Variants in COL18A1 observed in about 807,000 individuals in gnomAD.
The protein encoded by COL18A1 is collagen type XVIII alpha 1 chain, also known as collagen alpha-1(XVIII) chain.
A neutral mutation model predicts 168.0 loss-of-function variants in COL18A1; 133 were observed. The ratio of observed to expected loss-of-function variants is 0.79; its 90% CI spans 0.69 to 0.91. The LOEUF is 0.91. COL18A1 is among the 40% of genes least tolerant of loss of function. The pLI, the probability that COL18A1 is intolerant of heterozygous loss-of-function variation, is 0.00. For missense variants in COL18A1, 2,126 were observed against 1,925.4 expected (o/e 1.10, Z -1.95); for synonymous variants, 949 against 809.0 (o/e 1.17, Z -2.94).
chr21:45,437,634 T>TCA lies in COL18A1; in HGVS notation c.107-30603_107-30602dup, dbSNP rs1233703012. 1.4e-3 allele frequency among the ~76,000 whole-genome samples: 22 copies of TCA among 15,864 alleles called. 2 individuals carry two copies. In the East Asian group the frequency reaches 0.017, roughly 12 times the overall value. 10.4% of individuals were successfully genotyped at this position (15,864 alleles called of 152,430 possible). A position where few individuals can be genotyped will look rare whatever the true frequency, so the allele number is the denominator to read the frequency against. On this transcript the variant is annotated intron_variant, in intron 2 of 41. Transcript: ENST00000651438. ...CACAGGCACTCTCCTGCACACACACTCACACAGGCACTCTCCTGCACACAC... is the reference window on the plus strand; with the variant it reads ...CACAGGCACTCTCCTGCACACACACTCACACACAGGCACTCTCCTGCACACAC...
chr21:45,422,412 C>T lies in COL18A1; in HGVS notation c.106+16939C>T, dbSNP rs199878290. 5.8e-6 allele frequency: 3 copies of T among 520,326 alleles called. No individual in the cohort carries two copies. The African/African-American group carries it at 5.8e-5, about 10-fold the overall frequency. 32.2% of individuals were successfully genotyped at this position (520,326 alleles called of 1,614,324 possible). A position where few individuals can be genotyped will look rare whatever the true frequency, so the allele number is the denominator to read the frequency against. On this transcript the variant is annotated intron_variant, in intron 2 of 41. Coordinates refer to ENST00000651438, the MANE Select transcript of COL18A1 (RefSeq NM_001379500.1). Reference sequence around the variant, plus strand: ...CGCCTGTGGGCACTGAGGGTCTCACCTCTTCCTGCAGCTTTTGAAGGGATG... The same window carrying T: ...CGCCTGTGGGCACTGAGGGTCTCACTTCTTCCTGCAGCTTTTGAAGGGATG...
intron 2 of COL18A1, among the ~76,000 whole-genome samples, chr21:45,460,415 G>A (rs1226729934): frequency 6.6e-6 from 1 of 152,136 alleles, no homozygotes; most frequent in South Asian, 2.1e-4. Context: ...TTGGAAAGTG[G>A]TGCACAGGCC....
intron 37 of COL18A1, 60 bp downstream of exon 37, chr21:45,506,026 C>T (rs2037183974): frequency 1.2e-6 from 2 of 1,611,186 alleles, no homozygotes; most frequent in Non-Finnish European, 1.7e-6. Flanking sequence ...CCTCCTGGGG[C>T]TTAAGGAAGG....
chr21:45,470,897 GGGCCCTGGGTCT>G (rs1040675694), intron 3 of COL18A1, among the ~76,000 whole-genome samples: 32 of 149,432 alleles, frequency 2.1e-4, no homozygotes, highest in Admixed American at 6.7e-4. Flanking sequence ...GGGAGCTAGA[GGGCCCTGGGTCT>G]GGCCCTGGGC....
At chr21:45,436,778 G>C (rs1052567927) in intron 2 of COL18A1, among the ~76,000 whole-genome samples, 1 of 151,890 alleles carries the variant, frequency 6.6e-6, no homozygotes, top group African/African-American at 2.4e-5. Flanking sequence ...GATGTGGCTT[G>C]GCGGGGAAGC....
intron 2 of COL18A1, among the ~76,000 whole-genome samples, chr21:45,438,104 A>T (rs111220547): frequency 8.7e-6 from 1 of 115,058 alleles, no homozygotes; most frequent in Non-Finnish European, 1.7e-5. Flanking sequence ...ACTCACACTC[A>T]CACTCAGACA....
chr21:45,453,467 G>A (rs1263373249), intron 2 of COL18A1, among the ~76,000 whole-genome samples: 1 of 152,240 alleles, frequency 6.6e-6, no homozygotes, highest in Non-Finnish European at 1.5e-5. Flanking sequence ...GGAGGCTTAT[G>A]TAGTAGCCAC....
At position 45,456,033 on chromosome 21, in the gene COL18A1, T is replaced by C. The variant is rs1248747342; in HGVS notation, c.107-12209T>C. ...ACCCCCCAGGAGAATGGGACCACTC[T>C]CTGGCCCAGCCGTGGCATTCCTAGC... On this transcript the variant is annotated intron_variant, in intron 2 of 41. Coordinates refer to ENST00000651438, the MANE Select transcript of COL18A1 (RefSeq NM_001379500.1). 1.2e-5 allele frequency: 20 copies of C among 1,609,484 alleles called. No homozygotes were observed. The highest frequency in any genetic ancestry group is 1.7e-5 in the Non-Finnish European group (20 of 1,177,312).
At chr21:45,466,070 G>C (rs993328652) in intron 2 of COL18A1, among the ~76,000 whole-genome samples, 16 of 152,198 alleles carry the variant, frequency 1.1e-4, no homozygotes, top group Admixed American at 2.0e-4. Flanking sequence ...GTCAGGGTGA[G>C]GCTGGGAGTG....
chr21:45,495,725 C>T, intron 29 of COL18A1: 1 of 415,160 alleles, frequency 2.4e-6, no homozygotes, highest in Non-Finnish European at 4.6e-6. Flanking sequence ...TACACGCACA[C>T]ACACATCCAC....
chr21:45,512,229 G>T lies in COL18A1; in HGVS notation c.3851G>T (p.Arg1284Leu), dbSNP rs202049650. The part of the protein sequence containing the change: ...SVWHGSDPNG[R>L]RLTESYCETW... ...TGGCATGGCTCGGACCCCAACGGGC[G>T]CAGGCTGACCGAGAGCTACTGTGAG... Residue 1284 changes from arginine to leucine, a missense_variant, in exon 42 of 42, where the codon CGC (arginine) becomes CTC (leucine). Coordinates refer to ENST00000651438, the MANE Select transcript of COL18A1 (RefSeq NM_001379500.1). The T allele has an allele frequency of 4.3e-6, 7 of 1,612,432 alleles. No homozygotes were observed. Among genetic ancestry groups the T allele is most frequent in the Non-Finnish European group, 5.9e-6 (7 of 1,179,756 alleles).
At chr21:45,479,079 G>A (rs1337885706) in intron 9 of COL18A1, among the ~76,000 whole-genome samples, 2 of 71,588 alleles carry the variant, frequency 2.8e-5, no homozygotes, top group African/African-American at 6.3e-5. Flanking sequence ...ACACGCACGC[G>A]TGTGAGTGTG....
intron 2 of COL18A1, among the ~76,000 whole-genome samples, chr21:45,437,964 GCACA>G (rs1165229191): frequency 3.0e-5 from 1 of 32,832 alleles, no homozygotes; most frequent in African/African-American, 2.1e-4. Flanking sequence ...GCACTCTCCT[GCACA>G]CACACACTCA....
At chr21:45,475,632 A>C (rs2035620284) in intron 5 of COL18A1, 97 bp downstream of exon 5, 1 of 1,050,384 alleles carries the variant, frequency 9.5e-7, no homozygotes. Context: ...GTGTGGCTCC[A>C]AGAGCTCCCT....
intron 26 of COL18A1, 93 bp from the exon 27 acceptor site, chr21:45,494,452 C>A: frequency 6.3e-7 from 1 of 1,588,288 alleles, no homozygotes; most frequent in Non-Finnish European, 8.6e-7. Flanking sequence ...CAAGCCGCCA[C>A]CTAACCGTGC....
intron 2 of COL18A1, among the ~76,000 whole-genome samples, chr21:45,464,717 G>C (rs1215362092): frequency 1.3e-5 from 2 of 152,158 alleles, no homozygotes; most frequent in Admixed American, 1.3e-4. Context: ...TTCGCTCAAA[G>C]CCCCTTCTTC....
At chr21:45,418,288 G>C (rs1356544107) in intron 2 of COL18A1, among the ~76,000 whole-genome samples, 1 of 152,196 alleles carries the variant, frequency 6.6e-6, no homozygotes, top group Non-Finnish European at 1.5e-5. Context: ...GAAGTGGTAG[G>C]GTGGGCGTGC....
In COL18A1 at chr21:45,498,603, T is replaced by C. The variant is rs1186906456; in HGVS notation, c.2683+942T>C. 2 of 714,414 alleles carry C rather than the reference T, an allele frequency of 2.8e-6. No individual in the cohort carries two copies. The highest frequency in any genetic ancestry group is 1.5e-5 in the South Asian group (1 of 67,534). 44.3% of individuals were successfully genotyped at this position (714,414 alleles called of 1,614,324 possible). The stretch of plus-strand genomic sequence containing the variant: ...CAGAGGCCGAGTCTGGGCCGGGACA[T>C]CCTTAAGGCCTGTGGAGGCAAAGGC... On this transcript the variant is annotated intron_variant, in intron 32 of 41. Coordinates refer to ENST00000651438, the MANE Select transcript of COL18A1 (RefSeq NM_001379500.1). This position sits in a 1 kb window ranked among gnomAD's most constrained non-coding sequence, Gnocchi z 4.5.
intron 37 of COL18A1, chr21:45,507,138 C>G (rs1459571321): frequency 5.5e-6 from 1 of 183,330 alleles, no homozygotes; most frequent in East Asian, 1.6e-4. Flanking sequence ...GGGAGGGCAC[C>G]CTCCTGTGGG....
Sources: allele counts gnomAD v4.1 joint callset (sites outside exome capture counted in the v4.1 genomes callset), GRCh38; gene constraint gnomAD v4.1.1; non-coding constraint Gnocchi (gnomAD v3.1); transcripts MANE v1.5; gene names NCBI Gene and HGNC (gene_info 2026-07-23, HGNC 2026-07-21).